TTBK2: variants seen among roughly 807,000 people sequenced by gnomAD.
The protein encoded by TTBK2 is tau-tubulin kinase 2.
In TTBK2, 28 loss-of-function variants were observed where a neutral mutation model predicts 110.8. That is an observed-to-expected ratio of 0.25 (90% confidence interval 0.19 to 0.35). TTBK2 has a LOEUF of 0.35. Ranked by LOEUF, TTBK2 falls within the 10% of genes least tolerant of loss-of-function variation. The probability of loss-of-function intolerance (pLI) is 1.00; values close to 1 mark genes in which losing one functional copy is unlikely to be tolerated. For missense variants in TTBK2, 1,369 were observed against 1,500.3 expected (o/e 0.91, Z 1.45); for synonymous variants, 532 against 527.3 (o/e 1.01, Z -0.12).
chr15:42,853,858 G>T (rs1893822081), intron 3 of TTBK2, among the ~76,000 whole-genome samples: 1 of 151,716 alleles, frequency 6.6e-6, no homozygotes, highest in Admixed American at 6.6e-5. Flanking sequence ...TCCAGCCTGG[G>T]CAACAGTTGA....
chr15:42,903,568 T>C (rs1596043271), intron 1 of TTBK2, among the ~76,000 whole-genome samples: 1 of 152,180 alleles, frequency 6.6e-6, no homozygotes, highest in East Asian at 1.9e-4. Flanking sequence ...GACAAATGGG[T>C]GGAGTCCTTC....
chr15:42,880,904 CT>C (rs1333134705), intron 1 of TTBK2, among the ~76,000 whole-genome samples: 2 of 151,796 alleles, frequency 1.3e-5, no homozygotes, highest in Non-Finnish European at 2.9e-5. Context: ...CCCCAAAAAC[CT>C]ATGGAACTAA....
chr15:42,789,361 TTC>T (rs1242886900), intron 10 of TTBK2, among the ~76,000 whole-genome samples: 1 of 152,126 alleles, frequency 6.6e-6, no homozygotes, highest in African/African-American at 2.4e-5. Flanking sequence ...ACATTTTTAT[TTC>T]TGTCTGGCTT....
At chr15:42,906,805 G>A (rs1185134295) in intron 1 of TTBK2, among the ~76,000 whole-genome samples, 2 of 152,118 alleles carry the variant, frequency 1.3e-5, no homozygotes, top group African/African-American at 4.8e-5. Flanking sequence ...GAATATACAA[G>A]GAGTGCAAAC....
At chr15:42,816,101 T>A (rs1181112862) in intron 7 of TTBK2, among the ~76,000 whole-genome samples, 1 of 122,858 alleles carries the variant, frequency 8.1e-6, no homozygotes, top group East Asian at 2.4e-4. Flanking sequence ...TATATATATA[T>A]ATATATATAT....
At chr15:42,816,114 ATATATG>A (rs1892014830) in intron 7 of TTBK2, among the ~76,000 whole-genome samples, 1 of 123,176 alleles carries the variant, frequency 8.1e-6, no homozygotes, top group African/African-American at 3.5e-5. Flanking sequence ...ATATATATAT[ATATATG>A]TGTATATTTT....
intron 9 of TTBK2, among the ~76,000 whole-genome samples, chr15:42,806,287 C>T (rs1165924114): frequency 6.6e-6 from 1 of 152,090 alleles, no homozygotes; most frequent in Non-Finnish European, 1.5e-5. Flanking sequence ...AAACAAAATA[C>T]ACTGATTTAA....
rs1360800708 is a variant in TTBK2 at position 42,752,259 on chromosome 15, G to A, written c.2987C>T (p.Ser996Leu). The change falls in exon 14 of 15, where the codon TCA becomes TTA. Residue 996 changes from serine (S) to leucine (L), a missense_variant. Ser to Leu is a moderately radical substitution (Grantham distance 145). Transcript: ENST00000267890. ...CTCTAGCAATTTATCAGAGGCACTT[G>A]AGAGGTCGCCAAGGAAGGACTTGAA... The part of the protein sequence containing the change: ...RQFKSFLGDL[S>L]SASDKLLEEK... 1.2e-6 allele frequency: 2 copies of A among 1,614,200 alleles called. No individual in the cohort carries two copies. The highest frequency in any genetic ancestry group is 2.2e-5 in the South Asian group (2 of 91,064).
chr15:42,893,343 A>T (rs1035593012), intron 1 of TTBK2, among the ~76,000 whole-genome samples: 36 of 152,148 alleles, frequency 2.4e-4, no homozygotes, highest in East Asian at 7.7e-4. Flanking sequence ...AAATTTTTTT[A>T]AAAAACTTAA....
intron 10 of TTBK2, among the ~76,000 whole-genome samples, chr15:42,789,619 A>C (rs1890557818): frequency 6.6e-6 from 1 of 152,094 alleles, no homozygotes; most frequent in East Asian, 1.9e-4. Context: ...CTGTAATCCC[A>C]GCTACTCAGG....
chr15:42,754,974 C>T (rs1056768672), intron 13 of TTBK2, among the ~76,000 whole-genome samples: 3 of 136,706 alleles, frequency 2.2e-5, no homozygotes, highest in African/African-American at 5.4e-5. Context: ...TGCCATTGTA[C>T]TCCAGCCTGG....
At chr15:42,828,879 C>T (rs1892640721) in intron 5 of TTBK2, among the ~76,000 whole-genome samples, 1 of 152,088 alleles carries the variant, frequency 6.6e-6, no homozygotes, top group Admixed American at 6.5e-5. Flanking sequence ...TATTAAATGA[C>T]CACAAATGCA....
chr15:42,871,527 G>C (rs1397068939), intron 3 of TTBK2: 1 of 985,220 alleles, frequency 1.0e-6, no homozygotes, highest in Non-Finnish European at 1.2e-6. Context: ...TACCCTTCAT[G>C]GGCTTGGCTG....
intron 1 of TTBK2, among the ~76,000 whole-genome samples, chr15:42,908,454 G>C (rs989374681): frequency 1.3e-5 from 2 of 152,062 alleles, no homozygotes; most frequent in African/African-American, 4.8e-5. Flanking sequence ...CTGGGTAACA[G>C]AACAAGACCC....
At chr15:42,913,829 GT>G (rs1023060380) in intron 1 of TTBK2, among the ~76,000 whole-genome samples, 8 of 152,094 alleles carry the variant, frequency 5.3e-5, no homozygotes, top group African/African-American at 1.9e-4. Context: ...CATTCCTTGG[GT>G]AAACAAAATC....
Position 42,745,401 on chromosome 15 carries a change from TCAAA to T in TTBK2, c.*390_*393del. ...GGTGGGAAAGTTTTGAATGAAAATA[TCAAA>T]CAAGAAGTTTCACTTTTGCTATATA... On this transcript the variant is annotated 3_prime_UTR_variant, in exon 15 of 15. Coordinates refer to ENST00000267890, the MANE Select transcript of TTBK2 (RefSeq NM_173500.4). 4.0e-6 allele frequency: 1 copy of T among 249,472 alleles called. No homozygotes were observed. Among genetic ancestry groups the T allele is most frequent in the Non-Finnish European group, 7.9e-6 (1 of 126,580 alleles). The allele number at this position is 249,472 out of a possible 1,614,324, so 15.5% of individuals were successfully genotyped here. A position where few individuals can be genotyped will look rare whatever the true frequency, so the allele number is the denominator to read the frequency against.
intron 9 of TTBK2, among the ~76,000 whole-genome samples, chr15:42,795,781 T>G (rs146193382): frequency 1.0e-4 from 15 of 145,126 alleles, no homozygotes; most frequent in African/African-American, 3.9e-4. Context: ...AGGCGGAGGC[T>G]GCAGTGAGAC....
chr15:42,775,606 T>A lies in TTBK2; in HGVS notation c.1527A>T (p.Glu509Asp). 3.1e-6 allele frequency: 5 copies of A among 1,614,084 alleles called. No homozygotes were observed. The highest frequency in any genetic ancestry group is 4.2e-6 in the Non-Finnish European group (5 of 1,179,986). ...GCTTGGAGGCATCTGGAAGATATTC[T>A]TCATCATAGTGCCAGATGTGGTCAG... ...SRTDHIWHYD[E>D]EYLPDASKPA... The change falls in exon 13 of 15, where the codon GAA (glutamate) becomes GAT (aspartate). Residue 509 changes from glutamate to aspartate, a missense_variant. Physicochemically the swap from Glu to Asp is conservative, Grantham distance 45. Around this residue, in one of 4 missense-constraint regions of TTBK2, gnomAD observed 1,097 missense variants for 1,114.7 expected, o/e 0.98. Transcript: ENST00000267890.
At chr15:42,790,722 C>T (rs1004385732) in intron 10 of TTBK2, among the ~76,000 whole-genome samples, 7 of 145,016 alleles carry the variant, frequency 4.8e-5, no homozygotes, top group East Asian at 2.0e-4. Flanking sequence ...TGTTTTGTGA[C>T]GGAGTCTCAC....
Sources: allele counts gnomAD v4.1 joint callset (sites outside exome capture counted in the v4.1 genomes callset), GRCh38; gene constraint gnomAD v4.1.1; regional missense constraint gnomAD v4.1.1; transcripts MANE v1.5; gene names NCBI Gene and HGNC (gene_info 2026-07-23, HGNC 2026-07-21).